ITPR1: variants seen among roughly 807,000 people sequenced by gnomAD.
ITPR1 encodes inositol 1,4,5-trisphosphate receptor type 1, also known as inositol 1,4,5-trisphosphate-gated calcium channel ITPR1.
A neutral mutation model predicts 318.4 loss-of-function variants in ITPR1; 96 were observed. That is an observed-to-expected ratio of 0.30 (90% CI 0.26 to 0.36). The LOEUF is 0.36. Among genes scored for constraint, ITPR1 ranks in the 10% least tolerant of loss-of-function variants. The pLI is 1.00. For synonymous variants in ITPR1, 1,312 were observed against 1,289.9 expected (o/e 1.02, Z -0.37); for missense variants, 2,440 against 3,460.2 (o/e 0.71, Z 7.40).
At chr3:4,568,511 A>C (rs1164384494) in intron 4 of ITPR1, among the ~76,000 whole-genome samples, 1 of 152,152 alleles carries the variant, frequency 6.6e-6, no homozygotes, top group Non-Finnish European at 1.5e-5. Flanking sequence ...TGTGGCTGGT[A>C]ATATAGGGAG....
intron 3 of ITPR1, among the ~76,000 whole-genome samples, chr3:4,516,960 C>T (rs541732911): frequency 8.5e-5 from 13 of 152,162 alleles, no homozygotes; most frequent in Non-Finnish European, 1.8e-4. Flanking sequence ...AAAGGCTCTT[C>T]TTTTCAGATA....
chr3:4,733,291 T>C (rs1020929331), intron 43 of ITPR1, 71 bp downstream of exon 43: 21 of 1,557,726 alleles, frequency 1.3e-5, no homozygotes, highest in Non-Finnish European at 1.8e-5. Context: ...TGTTTCCTCC[T>C]AACAGGTTGA....
intron 4 of ITPR1, among the ~76,000 whole-genome samples, chr3:4,551,515 T>A (rs2085561771): frequency 6.6e-6 from 1 of 152,194 alleles, no homozygotes; most frequent in South Asian, 2.1e-4. Flanking sequence ...GAGAGATTAT[T>A]CCATGTTTTA....
chr3:4,756,326 T>G (rs1463522912), intron 44 of ITPR1, among the ~76,000 whole-genome samples: 1 of 91,636 alleles, frequency 1.1e-5, no homozygotes, highest in Non-Finnish European at 2.9e-5. Flanking sequence ...TCAGCCAAAT[T>G]TTTTTTTAAC....
intron 49 of ITPR1, among the ~76,000 whole-genome samples, chr3:4,780,689 C>T (rs2046771118): frequency 6.6e-6 from 1 of 152,202 alleles, no homozygotes; most frequent in Non-Finnish European, 1.5e-5. Context: ...GTTCTTTGAT[C>T]TCTGAGGTCA....
At chr3:4,748,141 C>T (rs1465256906) in intron 44 of ITPR1, among the ~76,000 whole-genome samples, 1 of 152,184 alleles carries the variant, frequency 6.6e-6, no homozygotes, top group African/African-American at 2.4e-5. Context: ...TGAAAAAAGC[C>T]ATGTGTCTTA....
At chr3:4,675,323 T>C in intron 23 of ITPR1, 75 bp downstream of exon 23, 1 of 992,644 alleles carries the variant, frequency 1.0e-6, no homozygotes, top group Non-Finnish European at 1.5e-6. Context: ...TCATACCCTA[T>C]ATGTGATGCC....
At chr3:4,607,948 A>C (rs1337046855) in intron 4 of ITPR1, among the ~76,000 whole-genome samples, 1 of 152,182 alleles carries the variant, frequency 6.6e-6, no homozygotes, top group Non-Finnish European at 1.5e-5. Context: ...AGCAGAATTC[A>C]GGCTCGTCCA....
chr3:4,574,821 T>C (rs1291061490), intron 4 of ITPR1, among the ~76,000 whole-genome samples: 2 of 152,242 alleles, frequency 1.3e-5, no homozygotes, highest in Non-Finnish European at 2.9e-5. Flanking sequence ...TGGAGAAGTC[T>C]ATTTCAGTCT....
intron 44 of ITPR1, 63 bp from the exon 45 acceptor site, chr3:4,766,467 C>G (rs1248176131): frequency 1.4e-6 from 2 of 1,420,836 alleles, no homozygotes; most frequent in Non-Finnish European, 2.0e-6. Context: ...GTTTTGGTGT[C>G]ATGAGTGGGG....
At chr3:4,620,655 T>G (rs2092591348) in intron 4 of ITPR1, among the ~76,000 whole-genome samples, 1 of 149,992 alleles carries the variant, frequency 6.7e-6, no homozygotes, top group Admixed American at 6.8e-5. Context: ...TGGAGTTGGG[T>G]TTTTTCTTCT....
chr3:4,824,020 T>C (rs962740373), intron 60 of ITPR1, among the ~76,000 whole-genome samples: 6 of 152,204 alleles, frequency 3.9e-5, no homozygotes, highest in Non-Finnish European at 7.3e-5. Flanking sequence ...CCTGATCAGA[T>C]AGAACACTGT....
chr3:4,772,194 G>A (rs2046231082), intron 46 of ITPR1, among the ~76,000 whole-genome samples: 1 of 152,200 alleles, frequency 6.6e-6, no homozygotes, highest in African/African-American at 2.4e-5. Context: ...ACAGGGGGTG[G>A]GTCACTGGGT....
At chr3:4,761,012 C>A (rs1015838994) in intron 44 of ITPR1, among the ~76,000 whole-genome samples, 1 of 152,244 alleles carries the variant, frequency 6.6e-6, no homozygotes, top group South Asian at 2.1e-4. Flanking sequence ...GTCTACCACA[C>A]CTGTGAAACT....
chr3:4,775,479 T>C, intron 47 of ITPR1, 37 bp downstream of exon 47: 7 of 1,508,920 alleles, frequency 4.6e-6, no homozygotes, highest in Admixed American at 1.7e-5. Flanking sequence ...GGAAAAAAAG[T>C]GTCCCATTTT....
chr3:4,646,020 G>A (rs977432151), intron 10 of ITPR1: 11 of 324,738 alleles, frequency 3.4e-5, no homozygotes, highest in African/African-American at 6.3e-5. Flanking sequence ...GAAAGAATAA[G>A]TACTTTGGAA....
In ITPR1 at chr3:4,770,926, G is replaced by A. The variant is rs146565922; in HGVS notation, c.5979+2162G>A. Among the ~76,000 whole-genome samples, 873 of 152,272 alleles carry A rather than the reference G, an allele frequency of 5.7e-3. 3 individuals carry two copies. Among genetic ancestry groups the A allele is most frequent in the Admixed American group, 0.013 (204 of 15,306 alleles). On this transcript the variant is annotated intron_variant, in intron 46 of 61. Transcript: ENST00000649015. The stretch of plus-strand genomic sequence containing the variant: ...GTCACGGGATTCAGGCAAAGGGGGA[G>A]TGAGTGACCCACAGAGGACTAGATG...
intron 12 of ITPR1, among the ~76,000 whole-genome samples, chr3:4,656,048 C>T (rs527761971): frequency 6.6e-6 from 1 of 152,190 alleles, no homozygotes; most frequent in East Asian, 1.9e-4. Context: ...TTGTTGTGCT[C>T]GTCCTTCTAA....
intron 2 of ITPR1, among the ~76,000 whole-genome samples, chr3:4,505,243 A>G (rs542485057): frequency 1.3e-5 from 2 of 152,218 alleles, no homozygotes; most frequent in East Asian, 3.9e-4. Context: ...CCCAGGCTGG[A>G]GTGCAGTGGC....
Sources: allele counts gnomAD v4.1 joint callset (sites outside exome capture counted in the v4.1 genomes callset), GRCh38; gene constraint gnomAD v4.1.1; transcripts MANE v1.5; gene names NCBI Gene and HGNC (gene_info 2026-07-23, HGNC 2026-07-21).